The following HSPA2 variants were observed in gnomAD, a reference collection of about 807,000 sequenced individuals.
HSPA2 encodes heat shock-related 70 kDa protein 2.
Under a neutral mutation model 35.0 loss-of-function variants are expected in HSPA2, and 13 were observed. The ratio of observed to expected loss-of-function variants is 0.37; its 90% CI spans 0.24 to 0.59. The LOEUF (loss-of-function observed/expected upper bound fraction) is 0.59. Ranked by LOEUF, HSPA2 falls within the 20% of genes least tolerant of loss-of-function variation. HSPA2 has a pLI of 0.70. For missense variants in HSPA2, 565 were observed against 885.4 expected, an observed-to-expected ratio of 0.64 and a Z score of 4.59; for synonymous variants, 368 against 382.1, an observed-to-expected ratio of 0.96 and a Z score of 0.43.
At chr14:64,536,451 A>T (rs1400330172), upstream of HSPA2, among the ~76,000 whole-genome samples, 1 of 152,208 alleles carries the variant, frequency 6.6e-6, no homozygotes, top group Non-Finnish European at 1.5e-5. Flanking sequence ...AAAAGGCATG[A>T]TCATATTTAA....
Position 64,542,130 on chromosome 14 carries a change from G to C in HSPA2, c.1281G>C (p.Gln427His). The C allele has an allele frequency of 1.2e-6, 2 of 1,613,668 alleles. No homozygotes were observed. The highest frequency in any genetic ancestry group is 2.2e-5 in the South Asian group (2 of 91,080). Residue 427 changes from glutamine (Q) to histidine (H), a missense_variant, in exon 1 of 1, where the codon CAG becomes CAC. Physicochemically the swap from Gln to His is conservative, Grantham distance 24. Coordinates refer to ENST00000247207, the MANE Select transcript of HSPA2 (RefSeq NM_021979.4). The surrounding 1 kb of genome is among the most constrained non-coding windows in gnomAD (Gnocchi z 5.7). ...IKRNTTIPTK[Q>H]TQTFTTYSDN... Reference sequence around the variant, plus strand: ...GGAACACCACGATCCCCACCAAGCAGACGCAGACCTTCACCACCTACTCGG... The same window carrying C: ...GGAACACCACGATCCCCACCAAGCACACGCAGACCTTCACCACCTACTCGG...
Position 64,541,899 on chromosome 14 carries a change from G to T in HSPA2, c.1050G>T (p.Gln350His), listed in dbSNP as rs2080035839. Reference sequence around the variant, plus strand: ...GCTCCACTCGTATCCCCAAGATCCAGAAGCTGCTGCAGGATTTCTTCAACG... The same window carrying T: ...GCTCCACTCGTATCCCCAAGATCCATAAGCTGCTGCAGGATTTCTTCAACG... ...VGGSTRIPKI[Q>H]KLLQDFFNGK... Residue 350 changes from glutamine (Q) to histidine (H), a missense_variant, in exon 1 of 1, where the codon CAG becomes CAT. Around this residue, in one of 4 missense-constraint regions of HSPA2, gnomAD observed 234 missense variants for 419.0 expected, o/e 0.56. Transcript: ENST00000247207. 6.2e-7 allele frequency: 1 copy of T among 1,613,476 alleles called. No homozygotes were observed. Among genetic ancestry groups the T allele is most frequent in the Admixed American group, 1.7e-5 (1 of 60,008 alleles).
At position 64,540,810 on chromosome 14, in the gene HSPA2, C is replaced by T; in HGVS notation, c.-40C>T. ...AGTTGACTCCGCGGAGTTCATCTCC[C>T]TGGTTTTCCCGTCCTAACGTCGCTC... On this transcript the variant is annotated 5_prime_UTR_variant, in exon 1 of 1. Transcript: ENST00000247207. 1.9e-6 allele frequency: 3 copies of T among 1,605,960 alleles called. No homozygotes were observed. Among genetic ancestry groups the T allele is most frequent in the Non-Finnish European group, 2.6e-6 (3 of 1,174,830 alleles).
At chr14:64,540,655 A>G, upstream of HSPA2, 3 of 754,648 alleles carry the variant, frequency 4.0e-6, no homozygotes. Flanking sequence ...GAGCTGGAAG[A>G]GTTTGTGAGG....
chr14:64,542,658 A>G lies in HSPA2; in HGVS notation c.1809A>G (p.Glu603=). 1 of 1,614,032 alleles carries G rather than the reference A, an allele frequency of 6.2e-7. No individual in the cohort carries two copies. The change falls in exon 1 of 1, where the codon GAA becomes GAG. Residue 603 remains glutamate, a synonymous_variant. Coordinates refer to ENST00000247207, the MANE Select transcript of HSPA2 (RefSeq NM_021979.4). The surrounding 1 kb of genome is among the most constrained non-coding windows in gnomAD (Gnocchi z 5.7). ...ATGAACACAAGCAGAAAGAGCTCGA[A>G]AGAGTTTGCAACCCCATCATCAGCA... ...DEYEHKQKEL[E]RVCNPIISKL...
upstream of HSPA2, among the ~76,000 whole-genome samples, chr14:64,539,616 C>T (rs1034497599): frequency 2.7e-5 from 4 of 147,122 alleles, no homozygotes; most frequent in African/African-American, 1.1e-4. Flanking sequence ...GCCGCCCTCA[C>T]GCGGCGCGGG....
upstream of HSPA2, among the ~76,000 whole-genome samples, chr14:64,538,898 C>T (rs45467291): frequency 0.011 from 1,600 of 152,266 alleles, 24 homozygotes; most frequent in South Asian, 0.067. Flanking sequence ...AGTGCAGTGT[C>T]GCAATCTCGA....
chr14:64,542,915 C>T lies in HSPA2; in HGVS notation c.*146C>T, dbSNP rs569943416. On this transcript the variant is annotated 3_prime_UTR_variant, in exon 1 of 1. Coordinates refer to ENST00000247207, the MANE Select transcript of HSPA2 (RefSeq NM_021979.4). The surrounding 1 kb of genome is among the most constrained non-coding windows in gnomAD (Gnocchi z 5.7). ...GCAAATGAAAGGAGAGGTGCAACAA[C>T]TTAGTTTAATTATAAAAGTTCCAAA... 1 of 1,280,994 alleles carries T rather than the reference C, an allele frequency of 7.8e-7. No homozygotes were observed. The highest frequency in any genetic ancestry group is 3.0e-5 in the Admixed American group (1 of 33,394). The allele number at this position is 1,280,994 out of a possible 1,614,324, so 79.4% of individuals were successfully genotyped here.
upstream of HSPA2, among the ~76,000 whole-genome samples, chr14:64,536,285 G>A (rs1008207534): frequency 6.6e-6 from 1 of 152,084 alleles, no homozygotes; most frequent in African/African-American, 2.4e-5. Flanking sequence ...TTTTACGGCT[G>A]CGTAAGAATT....
Position 64,541,272 on chromosome 14 carries a change from C to A in HSPA2, c.423C>A (p.His141Gln), listed in dbSNP as rs368396780. Residue 141 changes from histidine (H) to glutamine (Q), a missense_variant, in exon 1 of 1, where the codon CAC becomes CAA. Coordinates refer to ENST00000247207, the MANE Select transcript of HSPA2 (RefSeq NM_021979.4). ...AAGCCTACCTGGGGGGCAAGGTGCACAGCGCGGTCATAACGGTCCCGGCCT... is the reference window on the plus strand; with the variant it reads ...AAGCCTACCTGGGGGGCAAGGTGCAAAGCGCGGTCATAACGGTCCCGGCCT... Reference protein sequence around the residue: ...IAEAYLGGKVHSAVITVPAYF... With the variant: ...IAEAYLGGKVQSAVITVPAYF... 2 of 1,613,756 alleles carry A rather than the reference C, an allele frequency of 1.2e-6. No homozygotes were observed. The highest frequency in any genetic ancestry group is 8.5e-7 in the Non-Finnish European group (1 of 1,180,036).
chr14:64,541,958 A>G lies in HSPA2; in HGVS notation c.1109A>G (p.Glu370Gly), dbSNP rs1415920821. Residue 370 changes from glutamate (E) to glycine (G), a missense_variant, in exon 1 of 1, where the codon GAG becomes GGG. Physicochemically the swap from Glu to Gly is moderately conservative, Grantham distance 98. Around this residue, in one of 4 missense-constraint regions of HSPA2, gnomAD observed 234 missense variants for 419.0 expected, o/e 0.56. Transcript: ENST00000247207. Reference sequence around the variant, plus strand: ...CTGAACAAGAGCATCAACCCCGACGAGGCGGTGGCCTATGGCGCCGCGGTG... The same window carrying G: ...CTGAACAAGAGCATCAACCCCGACGGGGCGGTGGCCTATGGCGCCGCGGTG... ...KELNKSINPD[E>G]AVAYGAAVQA... The G allele has an allele frequency of 2.5e-6, 4 of 1,613,352 alleles. No individual in the cohort carries two copies. Among genetic ancestry groups the G allele is most frequent in the Non-Finnish European group, 3.4e-6 (4 of 1,180,006 alleles).
rs773351228 is a variant in HSPA2, at chr14:64,540,813, G to GT, written c.-33dup. 1.1e-4 allele frequency: 178 copies of GT among 1,607,482 alleles called. No individual in the cohort carries two copies. Among genetic ancestry groups the GT allele is most frequent in the Non-Finnish European group, 1.3e-4 (156 of 1,175,680 alleles). On this transcript the variant is annotated 5_prime_UTR_variant, in exon 1 of 1. Transcript: ENST00000247207. Reference sequence around the variant, plus strand: ...TGACTCCGCGGAGTTCATCTCCCTGGTTTTCCCGTCCTAACGTCGCTCGCC... The same window carrying GT: ...TGACTCCGCGGAGTTCATCTCCCTGGTTTTTCCCGTCCTAACGTCGCTCGCC...
upstream of HSPA2, among the ~76,000 whole-genome samples, chr14:64,538,600 G>A (rs45511097): frequency 0.056 from 8,485 of 152,290 alleles, 325 homozygotes; most frequent in Non-Finnish European, 0.086. Context: ...TCTCAGCAAC[G>A]CACTTTTCCA....
chr14:64,542,060 TG>T lies in HSPA2; in HGVS notation c.1214del (p.Gly405AlafsTer9), dbSNP rs2080037932. On this transcript the variant is annotated frameshift_variant, in exon 1 of 1. Coordinates refer to ENST00000247207, the MANE Select transcript of HSPA2 (RefSeq NM_021979.4). LOFTEE classifies it high-confidence loss of function. This position sits in a 1 kb window ranked among gnomAD's most constrained non-coding sequence, Gnocchi z 5.7. Reference sequence around the variant, plus strand: ...CTACTCGACGTGACCCCGTTGTCGCTGGGCATCGAGACAGCTGGCGGTGTCA... The same window carrying T: ...CTACTCGACGTGACCCCGTTGTCGCTGGCATCGAGACAGCTGGCGGTGTCA... The part of the protein sequence containing the change: ...LLLLDVTPLS[L>X]GIETAGGVMT... The T allele has an allele frequency of 6.2e-7, 1 of 1,613,572 alleles. No homozygotes were observed. Among genetic ancestry groups the T allele is most frequent in the Admixed American group, 1.7e-5 (1 of 60,012 alleles).
In HSPA2 at chr14:64,540,781, C is replaced by T. The variant is rs1327805785; in HGVS notation, c.-69C>T. On this transcript the variant is annotated 5_prime_UTR_variant, in exon 1 of 1. Coordinates refer to ENST00000247207, the MANE Select transcript of HSPA2 (RefSeq NM_021979.4). ...CCCGTGGTGCTTGGTTCGAGGTGGC[C>T]GTTAGTTGACTCCGCGGAGTTCATC... 11 of 1,579,566 alleles carry T rather than the reference C, an allele frequency of 7.0e-6. No homozygotes were observed. The East Asian group carries it at 1.1e-4, about 16-fold the overall frequency.
chr14:64,541,941 G>A lies in HSPA2; in HGVS notation c.1092G>A (p.Lys364=), dbSNP rs1472860415. The change falls in exon 1 of 1, where the codon AAG becomes AAA. Residue 364 remains lysine (K), a synonymous_variant. Transcript: ENST00000247207. ...QDFFNGKELN[K]SINPDEAVAY... The stretch of plus-strand genomic sequence containing the variant: ...TCTTCAACGGCAAGGAGCTGAACAA[G>A]AGCATCAACCCCGACGAGGCGGTGG... The A allele has an allele frequency of 1.9e-6, 3 of 1,613,664 alleles. No homozygotes were observed. The highest frequency in any genetic ancestry group is 2.5e-6 in the Non-Finnish European group (3 of 1,180,026).
Position 64,541,719 on chromosome 14 carries a change from C to G in HSPA2, c.870C>G (p.Leu290=), listed in dbSNP as rs768113814. Residue 290 remains leucine, a synonymous_variant, in exon 1 of 1, where the codon CTC becomes CTG. Coordinates refer to ENST00000247207, the MANE Select transcript of HSPA2 (RefSeq NM_021979.4). ...AGGCGAGCATCGAGATCGACTCGCT[C>G]TACGAGGGCGTGGACTTCTATACGT... ...STQASIEIDS[L]YEGVDFYTSI... 6.2e-7 allele frequency: 1 copy of G among 1,611,896 alleles called. No individual in the cohort carries two copies. The highest frequency in any genetic ancestry group is 1.1e-5 in the South Asian group (1 of 90,964).
rs775051133 is a variant in HSPA2 at position 64,541,698 on chromosome 14, G to T, written c.849G>T (p.Ala283=). ...AKRTLSSSTQ[A]SIEIDSLYEG... is the part of the protein sequence containing the mutation. The stretch of plus-strand genomic sequence containing the variant: ...GCACCCTGAGCTCGTCCACGCAGGC[G>T]AGCATCGAGATCGACTCGCTCTACG... The change falls in exon 1 of 1, where the codon GCG becomes GCT. Residue 283 remains alanine (A), a synonymous_variant. Coordinates refer to ENST00000247207, the MANE Select transcript of HSPA2 (RefSeq NM_021979.4). 1.4e-5 allele frequency: 22 copies of T among 1,611,700 alleles called. No homozygotes were observed. The highest frequency in any genetic ancestry group is 1.8e-5 in the Non-Finnish European group (21 of 1,179,614).
chr14:64,542,207 C>T lies in HSPA2; in HGVS notation c.1358C>T (p.Thr453Ile), dbSNP rs2080039150. The change falls in exon 1 of 1, where the codon ACC becomes ATC. Residue 453 changes from threonine to isoleucine, a missense_variant. Transcript: ENST00000247207. This position sits in a 1 kb window ranked among gnomAD's most constrained non-coding sequence, Gnocchi z 5.7. ...VQVYEGERAM[T>I]KDNNLLGKFD... The stretch of plus-strand genomic sequence containing the variant: ...GTATACGAGGGCGAACGGGCCATGA[C>T]CAAGGACAATAACCTGCTGGGCAAG... 1 of 1,613,836 alleles carries T rather than the reference C, an allele frequency of 6.2e-7. No individual in the cohort carries two copies. The highest frequency in any genetic ancestry group is 8.5e-7 in the Non-Finnish European group (1 of 1,180,038).
Sources: gnomAD v4.1 joint callset for allele counts (sites outside exome capture counted in the v4.1 genomes callset) on GRCh38, gnomAD v4.1.1 for gene constraint, gnomAD v4.1.1 regional missense constraint, Gnocchi (gnomAD v3.1) non-coding constraint, MANE v1.5 for transcripts, NCBI Gene and HGNC (gene_info 2026-07-23, HGNC 2026-07-21) for gene names.